The following TENM2 variants were observed in gnomAD, a reference collection of about 807,000 sequenced individuals.
The protein encoded by TENM2 is teneurin transmembrane protein 2, also known as teneurin-2.
In TENM2, 52 loss-of-function variants were observed where a neutral mutation model predicts 245.2. The observed-to-expected ratio is 0.21, with a 90% CI of 0.17 to 0.27. The LOEUF (loss-of-function observed/expected upper bound fraction) is 0.27, where lower values mean the gene tolerates loss of function less well. Among genes scored for constraint, TENM2 ranks in the 10% least tolerant of loss-of-function variants. The probability of loss-of-function intolerance (pLI) is 1.00; values close to 1 mark genes in which losing one functional copy is unlikely to be tolerated. For missense variants in TENM2, 3,046 were observed against 3,666.8 expected (o/e 0.83, Z 4.37); for synonymous variants, 1,363 against 1,438.9 (o/e 0.95, Z 1.19).
chr5:167,069,203 G>T, the TENM2 span, among the ~76,000 whole-genome samples: 1 of 152,148 alleles, frequency 6.6e-6, no homozygotes, highest in Non-Finnish European at 1.5e-5. Flanking sequence ...GGAGCTGGTA[G>T]TTTGAATGAA....
intron 2 of TENM2, among the ~76,000 whole-genome samples, chr5:167,849,745 T>G (rs1374425465): frequency 6.6e-6 from 1 of 152,120 alleles, no homozygotes; most frequent in African/African-American, 2.4e-5. Context: ...AGGAAATATT[T>G]TACCTACATT....
intron 1 of TENM2, chr5:167,296,393 G>A (rs748709184): frequency 1.3e-5 from 2 of 152,122 alleles, no homozygotes; most frequent in African/African-American, 2.4e-5. Flanking sequence ...ATCCATGTAC[G>A]GGGAATGAAA....
chr5:167,817,264 T>C (rs1767130423), intron 2 of TENM2, among the ~76,000 whole-genome samples: 1 of 152,226 alleles, frequency 6.6e-6, no homozygotes, highest in African/African-American at 2.4e-5. Flanking sequence ...TTCTGAAGAC[T>C]TATAATTTTG....
the TENM2 span, among the ~76,000 whole-genome samples, chr5:167,226,260 A>G: frequency 7.0e-5 from 10 of 143,384 alleles, no homozygotes; most frequent in African/African-American, 1.1e-4. Context: ...TAAATTTGCA[A>G]TATCCCTACT....
At chr5:167,215,636 G>A in the TENM2 span, among the ~76,000 whole-genome samples, 33 of 152,254 alleles carry the variant, frequency 2.2e-4, no homozygotes, top group South Asian at 2.1e-3. Flanking sequence ...AATCATAGGG[G>A]ATGTAGTCCA....
intron 7 of TENM2, among the ~76,000 whole-genome samples, chr5:168,079,824 C>T (rs1274055884): frequency 3.3e-5 from 5 of 152,210 alleles, no homozygotes; most frequent in South Asian, 2.1e-4. Flanking sequence ...CTGCTGGATT[C>T]GGTTTGCCAG....
At chr5:167,146,107 G>T in the TENM2 span, among the ~76,000 whole-genome samples, 272 of 152,202 alleles carry the variant, frequency 1.8e-3, no homozygotes, top group African/African-American at 6.4e-3. Flanking sequence ...ATCACAATTT[G>T]TCAGTGTACT....
At chr5:167,255,834 GT>G in the TENM2 span, among the ~76,000 whole-genome samples, 1 of 152,084 alleles carries the variant, frequency 6.6e-6, no homozygotes, top group Admixed American at 6.6e-5. Flanking sequence ...TAGGATTTAA[GT>G]TTTATTTCTA....
At chr5:167,855,587 A>C (rs1255879496) in intron 2 of TENM2, among the ~76,000 whole-genome samples, 1 of 148,494 alleles carries the variant, frequency 6.7e-6, no homozygotes, top group African/African-American at 2.5e-5. Flanking sequence ...TCATAACCCC[A>C]GTTTATATAA....
At chr5:167,224,360 G>T in the TENM2 span, among the ~76,000 whole-genome samples, 1 of 151,876 alleles carries the variant, frequency 6.6e-6, no homozygotes, top group South Asian at 2.1e-4. Context: ...TGAGTTGATT[G>T]CTGGACGGGG....
intron 2 of TENM2, among the ~76,000 whole-genome samples, chr5:167,505,950 G>A (rs1313874837): frequency 6.6e-6 from 1 of 152,094 alleles, no homozygotes; most frequent in African/African-American, 2.4e-5. Flanking sequence ...AGAGGCTAAG[G>A]TAGGAAAACT....
chr5:167,011,857 CTCTG>C, the TENM2 span, among the ~76,000 whole-genome samples: 6 of 152,192 alleles, frequency 3.9e-5, no homozygotes, highest in Non-Finnish European at 8.8e-5. Flanking sequence ...TATTAAATTA[CTCTG>C]TCTTAGTTGT....
chr5:167,213,557 T>G, the TENM2 span, among the ~76,000 whole-genome samples: 11 of 152,090 alleles, frequency 7.2e-5, no homozygotes, highest in Non-Finnish European at 1.6e-4. Context: ...GCATAAACAT[T>G]CAGTCTATAG....
chr5:168,015,942 G>A (rs1450462690), intron 5 of TENM2, among the ~76,000 whole-genome samples: 2 of 152,196 alleles, frequency 1.3e-5, no homozygotes, highest in Admixed American at 1.3e-4. Context: ...GAAAGTTTCA[G>A]TAACTTGCCC....
chr5:168,125,033 G>C, exon 11 of TENM2: 1 of 1,607,950 alleles, frequency 6.2e-7, no homozygotes, highest in Non-Finnish European at 8.5e-7. Context: ...AACTGGATGG[G>C]TCCCGACTGC....
chr5:168,125,843 T>C (rs1368384627), intron 11 of TENM2, among the ~76,000 whole-genome samples: 1 of 152,154 alleles, frequency 6.6e-6, no homozygotes, highest in Non-Finnish European at 1.5e-5. Flanking sequence ...CTGGTGGTCC[T>C]GGCAAGGCCG....
At chr5:167,465,551 C>T (rs188279694) in intron 2 of TENM2, among the ~76,000 whole-genome samples, 432 of 152,246 alleles carry the variant, frequency 2.8e-3, no homozygotes, top group Non-Finnish European at 4.3e-3. Context: ...ATGCCCGGGC[C>T]GGGCGCGGTG....
At chr5:167,836,139 T>C (rs1163681507) in intron 2 of TENM2, among the ~76,000 whole-genome samples, 1 of 151,180 alleles carries the variant, frequency 6.6e-6, no homozygotes, top group Non-Finnish European at 1.5e-5. Context: ...TGACAATTAC[T>C]TTTTTATGAT....
At chr5:167,026,219 T>C in the TENM2 span, among the ~76,000 whole-genome samples, 1 of 152,334 alleles carries the variant, frequency 6.6e-6, no homozygotes, top group East Asian at 1.9e-4. Flanking sequence ...CACTGCAGTG[T>C]TGGCTCAGAC....
Sources: allele counts gnomAD v4.1 joint callset (sites outside exome capture counted in the v4.1 genomes callset), GRCh38; gene constraint gnomAD v4.1.1; transcripts MANE v1.5; gene names NCBI Gene and HGNC (gene_info 2026-07-23, HGNC 2026-07-21).